Variants in SH3PXD2A observed in about 807,000 individuals in gnomAD.
The protein encoded by SH3PXD2A is SH3 and PX domains 2A.
Under a neutral mutation model 115.2 loss-of-function variants are expected in SH3PXD2A, and 32 were observed. The ratio of observed to expected loss-of-function variants is 0.28; its 90% CI spans 0.21 to 0.37. The LOEUF (loss-of-function observed/expected upper bound fraction) is 0.37, where lower values mean the gene tolerates loss of function less well. SH3PXD2A is among the 10% of genes least tolerant of loss of function. The probability of loss-of-function intolerance (pLI) is 1.00; values close to 1 mark genes in which losing one functional copy is unlikely to be tolerated. For missense variants in SH3PXD2A, 1,328 were observed against 1,498.7 expected (o/e 0.89, Z 1.88); for synonymous variants, 610 against 629.1 (o/e 0.97, Z 0.45).
chr10:103,630,128 C>T (rs1399317206), intron 8 of SH3PXD2A, among the ~76,000 whole-genome samples: 1 of 152,262 alleles, frequency 6.6e-6, no homozygotes, highest in Admixed American at 6.5e-5. Context: ...GCAGCACCAC[C>T]ATCCTCCCTG....
At chr10:103,649,829 C>G in intron 8 of SH3PXD2A, among the ~76,000 whole-genome samples, 1 of 152,320 alleles carries the variant, frequency 6.6e-6, no homozygotes, top group Non-Finnish European at 1.5e-5. Context: ...CCAACCTCAA[C>G]AGCAACCTCA....
chr10:103,846,924 T>A (rs1842853204), intron 1 of SH3PXD2A, among the ~76,000 whole-genome samples: 1 of 152,254 alleles, frequency 6.6e-6, no homozygotes, highest in African/African-American at 2.4e-5. Context: ...TTGAGCTCTC[T>A]GAGCCTTTGT....
At position 103,596,663 on chromosome 10, in the gene SH3PXD2A, A is replaced by ACACC; in HGVS notation, c.*5152_*5153insGGTG. The ACACC allele has an allele frequency of 8.0e-6, 1 of 124,440 alleles. No individual in the cohort carries two copies. The highest frequency in any genetic ancestry group is 1.7e-5 in the Non-Finnish European group (1 of 59,982). The allele number at this position is 124,440 out of a possible 1,614,324, so 7.7% of individuals were successfully genotyped here. A position where few individuals can be genotyped will look rare whatever the true frequency, so the allele number is the denominator to read the frequency against. On this transcript the variant is annotated 3_prime_UTR_variant, in exon 15 of 15. Coordinates refer to ENST00000369774, the MANE Select transcript of SH3PXD2A (RefSeq NM_001394015.1). ...CACACACACACACACACACACACAC[A>ACACC]CTCTCTCTCTCTCTCTCTCTCTCAC...
intron 1 of SH3PXD2A, among the ~76,000 whole-genome samples, chr10:103,849,541 A>C (rs1842878511): frequency 6.6e-6 from 1 of 152,170 alleles, no homozygotes; most frequent in Non-Finnish European, 1.5e-5. Context: ...GGTTACCCAG[A>C]GGCACAAGAG....
chr10:103,809,226 A>G (rs1225871967), intron 1 of SH3PXD2A, among the ~76,000 whole-genome samples: 1 of 152,170 alleles, frequency 6.6e-6, no homozygotes, highest in Non-Finnish European at 1.5e-5. Context: ...GCCTGGATGT[A>G]GTGGAGGGTG....
intron 2 of SH3PXD2A, among the ~76,000 whole-genome samples, chr10:103,795,612 C>G (rs746100685): frequency 2.6e-5 from 4 of 152,206 alleles, no homozygotes; most frequent in Non-Finnish European, 4.4e-5. Flanking sequence ...CTTCAGGAAG[C>G]CTGCCCTGAT....
intron 8 of SH3PXD2A, among the ~76,000 whole-genome samples, chr10:103,638,885 G>A (rs1048055066): frequency 2.6e-5 from 4 of 152,226 alleles, no homozygotes; most frequent in Non-Finnish European, 4.4e-5. Flanking sequence ...GAGTTTCAGG[G>A]GGAGAGAGAG....
At chr10:103,726,253 C>T (rs912638686) in intron 4 of SH3PXD2A, among the ~76,000 whole-genome samples, 3 of 152,200 alleles carry the variant, frequency 2.0e-5, no homozygotes, top group African/African-American at 4.8e-5. Flanking sequence ...CCTCCTGAAA[C>T]CTCACACACC....
intron 5 of SH3PXD2A, among the ~76,000 whole-genome samples, chr10:103,715,463 A>G (rs1365491257): frequency 3.3e-5 from 5 of 152,198 alleles, no homozygotes; most frequent in Non-Finnish European, 1.5e-5. Flanking sequence ...GAGTGAAGGG[A>G]GGCTGCTGTG....
intron 5 of SH3PXD2A, among the ~76,000 whole-genome samples, chr10:103,702,596 C>CGTGTGTGTATGTGTGT: frequency 6.8e-6 from 1 of 147,562 alleles, no homozygotes; most frequent in South Asian, 2.2e-4. Context: ...TGTGTGTGTG[C>CGTGTGTGTATGTGTGT]GTGTGTGTGT....
chr10:103,764,499 C>T (rs1220897952), intron 3 of SH3PXD2A, among the ~76,000 whole-genome samples: 1 of 152,120 alleles, frequency 6.6e-6, no homozygotes, highest in Non-Finnish European at 1.5e-5. Context: ...ACAACATCAC[C>T]CGCTATGCAC....
At chr10:103,726,043 G>T (rs1178490585) in intron 4 of SH3PXD2A, among the ~76,000 whole-genome samples, 2 of 152,060 alleles carry the variant, frequency 1.3e-5, no homozygotes, top group Non-Finnish European at 2.9e-5. Context: ...GAAATACTGG[G>T]GCAAGGAAGG....
intron 13 of SH3PXD2A, among the ~76,000 whole-genome samples, chr10:103,606,829 T>C (rs1195333116): frequency 6.6e-6 from 1 of 152,228 alleles, no homozygotes; most frequent in Non-Finnish European, 1.5e-5. Context: ...TGCAGCGGCG[T>C]GATCTCGGCT....
chr10:103,812,609 G>A (rs1438918024), intron 1 of SH3PXD2A, among the ~76,000 whole-genome samples: 3 of 152,114 alleles, frequency 2.0e-5, no homozygotes, highest in African/African-American at 7.2e-5. Flanking sequence ...GTCACACCCT[G>A]GAGAGAATGG....
chr10:103,735,783 G>A lies in SH3PXD2A; in HGVS notation c.255C>T (p.His85=). ...LPGKILFRRS[H]IRDVAVKRLK... ...GTCTCTTCACAGCTACGTCCCGGAT[G>A]TGGCTTCTGCGGAAGAGGATCTTGC... is the stretch of plus-strand genomic sequence containing the variant. The change falls in exon 4 of 15, where the codon CAC becomes CAT. Residue 85 remains histidine (H), a synonymous_variant. Coordinates refer to ENST00000369774, the MANE Select transcript of SH3PXD2A (RefSeq NM_001394015.1). 1 of 1,613,904 alleles carries A rather than the reference G, an allele frequency of 6.2e-7. No individual in the cohort carries two copies. Among genetic ancestry groups the A allele is most frequent in the Middle Eastern group, 1.7e-4 (1 of 6,060 alleles).
chr10:103,835,785 C>G (rs1323182345), intron 1 of SH3PXD2A, among the ~76,000 whole-genome samples: 1 of 152,220 alleles, frequency 6.6e-6, no homozygotes, highest in African/African-American at 2.4e-5. Context: ...CTGCACCACT[C>G]TATAGTTCAT....
intron 8 of SH3PXD2A, among the ~76,000 whole-genome samples, chr10:103,633,003 C>CA (rs1205951526): frequency 2.0e-5 from 3 of 150,898 alleles, no homozygotes; most frequent in Non-Finnish European, 3.0e-5. Flanking sequence ...TCCCCCCGGC[C>CA]AAAAAAAACC....
intron 1 of SH3PXD2A, among the ~76,000 whole-genome samples, chr10:103,820,243 T>A (rs72819403): frequency 1.3e-3 from 198 of 152,284 alleles, no homozygotes; most frequent in South Asian, 3.3e-3. Flanking sequence ...AAGGGGATTC[T>A]TTTGAGCCCC....
chr10:103,627,235 A>G lies in SH3PXD2A; in HGVS notation c.605-33T>C, dbSNP rs1319687946. On this transcript the variant is annotated intron_variant, in intron 8 of 14. Transcript: ENST00000369774. This position sits in a 1 kb window ranked among gnomAD's most constrained non-coding sequence, Gnocchi z 4.4. ...GAGGACAAGAGAGAACAGGACTGTGAGATTCTGCAGGGTGGCAGGGGTGGC... is the reference window on the plus strand; with the variant it reads ...GAGGACAAGAGAGAACAGGACTGTGGGATTCTGCAGGGTGGCAGGGGTGGC... 7.5e-7 allele frequency: 1 copy of G among 1,336,898 alleles called. No individual in the cohort carries two copies. The highest frequency in any genetic ancestry group is 2.3e-5 in the East Asian group (1 of 43,342). The allele number at this position is 1,336,898 out of a possible 1,614,324, so 82.8% of individuals were successfully genotyped here.
Sources: gnomAD v4.1 joint callset for allele counts (sites outside exome capture counted in the v4.1 genomes callset) on GRCh38, gnomAD v4.1.1 for gene constraint, Gnocchi (gnomAD v3.1) non-coding constraint, MANE v1.5 for transcripts, NCBI Gene and HGNC (gene_info 2026-07-23, HGNC 2026-07-21) for gene names.